The following CNTNAP2 variants were observed in gnomAD, a reference collection of about 807,000 sequenced individuals.
CNTNAP2 encodes contactin associated protein 2, also known as contactin-associated protein-like 2.
CNTNAP2 carries 98 observed loss-of-function variants against 155.2 expected under a neutral mutation model. That is an observed-to-expected ratio of 0.63 (90% confidence interval 0.54 to 0.75). The LOEUF (loss-of-function observed/expected upper bound fraction) is 0.75. CNTNAP2 is among the 30% of genes least tolerant of loss of function. The pLI, the probability that CNTNAP2 is intolerant of heterozygous loss-of-function variation, is 0.00. For missense variants in CNTNAP2, 1,727 were observed against 1,688.1 expected, an observed-to-expected ratio of 1.02 and a Z score of -0.40; for synonymous variants, 651 against 631.2, an observed-to-expected ratio of 1.03 and a Z score of -0.47.
intron 1 of CNTNAP2, among the ~76,000 whole-genome samples, chr7:146,245,403 G>T (rs1799629278): frequency 2.0e-5 from 3 of 152,186 alleles, no homozygotes; most frequent in South Asian, 2.1e-4. Context: ...GAGAAATGTA[G>T]AGAGTAAGTT....
intron 12 of CNTNAP2, among the ~76,000 whole-genome samples, chr7:147,577,303 T>C (rs180735034): frequency 6.6e-6 from 1 of 152,180 alleles, no homozygotes; most frequent in East Asian, 1.9e-4. Context: ...CTTTAATATA[T>C]CCTTATTACC....
intron 1 of CNTNAP2, among the ~76,000 whole-genome samples, chr7:146,329,959 G>C (rs192560221): frequency 1.4e-5 from 2 of 144,176 alleles, no homozygotes; most frequent in Admixed American, 6.9e-5. Context: ...TTTTCATTAT[G>C]CTGAAATATT....
intron 1 of CNTNAP2, among the ~76,000 whole-genome samples, chr7:146,356,228 C>A (rs1229551581): frequency 6.6e-6 from 1 of 152,148 alleles, no homozygotes; most frequent in Non-Finnish European, 1.5e-5. Flanking sequence ...ATAAGAGATT[C>A]TAGGCTTTTA....
intron 15 of CNTNAP2, among the ~76,000 whole-genome samples, chr7:148,021,353 A>G (rs1005832974): frequency 1.3e-5 from 2 of 152,238 alleles, no homozygotes; most frequent in African/African-American, 2.4e-5. Flanking sequence ...AGGAAGACAC[A>G]GTCTTGTAAA....
At chr7:147,060,373 G>T (rs1799640322) in intron 4 of CNTNAP2, among the ~76,000 whole-genome samples, 1 of 152,136 alleles carries the variant, frequency 6.6e-6, no homozygotes, top group South Asian at 2.1e-4. Context: ...GTGAAGAAAA[G>T]CAGAATATAA....
At chr7:146,996,022 A>G (rs1309984244) in intron 3 of CNTNAP2, among the ~76,000 whole-genome samples, 2 of 151,674 alleles carry the variant, frequency 1.3e-5, no homozygotes, top group Non-Finnish European at 2.9e-5. Flanking sequence ...GTTTTTTTTT[A>G]GCAGCTTTAT....
chr7:147,593,501 T>G (rs1800776977), intron 12 of CNTNAP2, among the ~76,000 whole-genome samples: 1 of 151,962 alleles, frequency 6.6e-6, no homozygotes, highest in Non-Finnish European at 1.5e-5. Context: ...TCTGTCCCCC[T>G]TTTACCACTT....
chr7:148,370,837 C>T (rs1332661955), intron 21 of CNTNAP2, among the ~76,000 whole-genome samples: 4 of 152,206 alleles, frequency 2.6e-5, no homozygotes, highest in African/African-American at 9.6e-5. Flanking sequence ...TCTCAGCCTT[C>T]TCCCTGGTGC....
At chr7:146,447,812 T>C (rs1301669300) in intron 1 of CNTNAP2, among the ~76,000 whole-genome samples, 1 of 151,970 alleles carries the variant, frequency 6.6e-6, no homozygotes, top group Non-Finnish European at 1.5e-5. Context: ...ATCAATGGTG[T>C]TTACTCATTA....
intron 16 of CNTNAP2, among the ~76,000 whole-genome samples, chr7:148,123,449 A>G (rs1804641716): frequency 6.6e-6 from 1 of 152,084 alleles, no homozygotes; most frequent in Non-Finnish European, 1.5e-5. Flanking sequence ...AACATTAGCC[A>G]GGCATGGTTG....
At chr7:147,738,016 C>T (rs1796886320) in intron 13 of CNTNAP2, among the ~76,000 whole-genome samples, 2 of 152,172 alleles carry the variant, frequency 1.3e-5, no homozygotes, top group South Asian at 2.1e-4. Context: ...GTGCCCTGCA[C>T]CCACTGTCCT....
intron 1 of CNTNAP2, among the ~76,000 whole-genome samples, chr7:146,638,501 T>TTTTTTTTTTTTTTTTTTTTTTTTTG: frequency 7.3e-6 from 1 of 136,334 alleles, no homozygotes; most frequent in African/African-American, 2.9e-5. Context: ...TTTTTTTTCT[T>TTTTTTTTTTTTTTTTTTTTTTTTTG]TGAGATGGAG....
intron 3 of CNTNAP2, among the ~76,000 whole-genome samples, chr7:146,908,323 T>C (rs1420080074): frequency 6.7e-6 from 1 of 149,418 alleles, no homozygotes; most frequent in Non-Finnish European, 1.5e-5. Context: ...TACAGAACTC[T>C]CCACCCCAAA....
intron 3 of CNTNAP2, among the ~76,000 whole-genome samples, chr7:147,016,835 T>C (rs759278062): frequency 9.2e-5 from 14 of 151,970 alleles, no homozygotes; most frequent in Admixed American, 2.0e-4. Context: ...CCTGTAGAGA[T>C]CACTGAGAAA....
intron 9 of CNTNAP2, among the ~76,000 whole-genome samples, chr7:147,364,331 ATGTG>A (rs1796191586): frequency 6.6e-6 from 1 of 152,196 alleles, no homozygotes; most frequent in African/African-American, 2.4e-5. Flanking sequence ...AGAAAATTAT[ATGTG>A]TAACTTTAAG....
At chr7:146,917,656 C>G (rs2129218978) in intron 3 of CNTNAP2, among the ~76,000 whole-genome samples, 1 of 152,136 alleles carries the variant, frequency 6.6e-6, no homozygotes, top group South Asian at 2.1e-4. Context: ...TGGGAGGGAC[C>G]CAGTTGGAGG....
At chr7:146,991,820 G>A (rs937725948) in intron 3 of CNTNAP2, among the ~76,000 whole-genome samples, 2 of 152,140 alleles carry the variant, frequency 1.3e-5, no homozygotes, top group African/African-American at 4.8e-5. Flanking sequence ...GGTGATTTGT[G>A]TATTTAGAAC....
intron 13 of CNTNAP2, among the ~76,000 whole-genome samples, chr7:147,734,873 CA>C (rs1444637452): frequency 6.6e-6 from 1 of 152,082 alleles, no homozygotes; most frequent in Non-Finnish European, 1.5e-5. Flanking sequence ...TCCCCTTTAT[CA>C]TTTTTTATTG....
chr7:146,322,441 G>A (rs10259339), intron 1 of CNTNAP2, among the ~76,000 whole-genome samples: 4,051 of 152,130 alleles, frequency 0.027, 154 homozygotes, highest in African/African-American at 0.092. Context: ...CACTGGAAAC[G>A]TAGCAGTTAT....
Sources: allele counts gnomAD v4.1 joint callset (sites outside exome capture counted in the v4.1 genomes callset), GRCh38; gene constraint gnomAD v4.1.1; transcripts MANE v1.5; gene names NCBI Gene and HGNC (gene_info 2026-07-23, HGNC 2026-07-21).